The following TYK2 variants were observed in gnomAD, a reference collection of about 807,000 sequenced individuals.
TYK2 encodes tyrosine kinase 2.
A neutral mutation model predicts 130.9 loss-of-function variants in TYK2; 65 were observed. That is an observed-to-expected ratio of 0.50 (90% CI 0.41 to 0.61). The LOEUF is 0.61. Among genes scored for constraint, TYK2 ranks in the 20% least tolerant of loss-of-function variants. The pLI is 0.00. For missense variants in TYK2, 1,378 were observed against 1,610.7 expected (o/e 0.86, Z 2.47); for synonymous variants, 647 against 658.9 (o/e 0.98, Z 0.28).
In TYK2 at chr19:10,353,770, CCA is replaced by C; in HGVS notation, c.2909-126_2909-125del. On this transcript the variant is annotated intron_variant, in intron 20 of 24. Transcript: ENST00000525621. This position sits in a 1 kb window ranked among gnomAD's most constrained non-coding sequence, Gnocchi z 6.9. Reference sequence around the variant, plus strand: ...AGGCCAAGACCCGCGCACACTAGACCCAGTTCTCAGGTGGGATGGACCCATCC... The same window carrying C: ...AGGCCAAGACCCGCGCACACTAGACCGTTCTCAGGTGGGATGGACCCATCC... The C allele has an allele frequency of 1.3e-6, 1 of 746,320 alleles. No homozygotes were observed. The highest frequency in any genetic ancestry group is 1.9e-5 in the South Asian group (1 of 53,234). The allele number at this position is 746,320 out of a possible 1,614,324, so 46.2% of individuals were successfully genotyped here. A position where few individuals can be genotyped will look rare whatever the true frequency, so the allele number is the denominator to read the frequency against.
chr19:10,367,651 T>G (rs1173746296), intron 5 of TYK2, among the ~76,000 whole-genome samples: 2 of 145,848 alleles, frequency 1.4e-5, no homozygotes, highest in African/African-American at 2.6e-5. Flanking sequence ...CTGGGAGCGG[T>G]GGCTCACGCC....
chr19:10,354,514 C>G lies in TYK2; in HGVS notation c.2713G>C (p.Glu905Gln). The G allele has an allele frequency of 6.2e-7, 1 of 1,614,004 alleles. No individual in the cohort carries two copies. Among genetic ancestry groups the G allele is most frequent in the Non-Finnish European group, 8.5e-7 (1 of 1,179,948 alleles). ...AGCAGCTCAGGCCCGTCCCTCACCTCGCCCAGATCTCGGATCTTTTTCAAA... is the reference window on the plus strand; with the variant it reads ...AGCAGCTCAGGCCCGTCCCTCACCTGGCCCAGATCTCGGATCTTTTTCAAA... Reference protein sequence around the residue: ...RYLKKIRDLGEGHFGKVSLYC... With the variant: ...RYLKKIRDLGQGHFGKVSLYC... The change falls in exon 19 of 25, where the codon GAG becomes CAG. Residue 905 changes from glutamate (E) to glutamine (Q), a missense_variant and splice_region_variant. Transcript: ENST00000525621.
intron 19 of TYK2, 130 bp downstream of exon 19, chr19:10,354,382 C>A: frequency 7.6e-7 from 1 of 1,320,154 alleles, no homozygotes; most frequent in Non-Finnish European, 1.1e-6. Flanking sequence ...TCCTTGGCAC[C>A]TAGGCCTCCC....
At chr19:10,377,185 G>A (rs1599367434) in intron 3 of TYK2, among the ~76,000 whole-genome samples, 1 of 152,272 alleles carries the variant, frequency 6.6e-6, no homozygotes, top group Non-Finnish European at 1.5e-5. Context: ...GATTACAAGT[G>A]TCAGCTACTG....
chr19:10,354,515 G>C lies in TYK2; in HGVS notation c.2712C>G (p.Gly904=). 6.2e-7 allele frequency: 1 copy of C among 1,613,880 alleles called. No homozygotes were observed. Among genetic ancestry groups the C allele is most frequent in the Non-Finnish European group, 8.5e-7 (1 of 1,179,890 alleles). ...GCAGCTCAGGCCCGTCCCTCACCTC[G>C]CCCAGATCTCGGATCTTTTTCAAAT... ...KRYLKKIRDL[G]EGHFGKVSLY... Residue 904 remains glycine (G), a synonymous_variant, in exon 19 of 25, where the codon GGC becomes GGG. Coordinates refer to ENST00000525621, the MANE Select transcript of TYK2 (RefSeq NM_003331.5).
chr19:10,356,732 G>C lies in TYK2; in HGVS notation c.2467-14C>G. On this transcript the variant is annotated splice_polypyrimidine_tract_variant and intron_variant, in intron 17 of 24. Transcript: ENST00000525621. Reference sequence around the variant, plus strand: ...GAAATGCTCCTTCTGTTGGGAAAGGGACCCAGAGGAGTCAACATCCTCCCC... The same window carrying C: ...GAAATGCTCCTTCTGTTGGGAAAGGCACCCAGAGGAGTCAACATCCTCCCC... 1 of 1,594,438 alleles carries C rather than the reference G, an allele frequency of 6.3e-7. No homozygotes were observed. The highest frequency in any genetic ancestry group is 8.5e-7 in the Non-Finnish European group (1 of 1,170,900).
rs766435287 is a variant in TYK2 at position 10,352,907 on chromosome 19, C to A, written c.3200+19G>T. 3.1e-6 allele frequency: 5 copies of A among 1,597,812 alleles called. No homozygotes were observed. The South Asian group carries it at 5.6e-5, about 18-fold the overall frequency. ...CAAGTGACCCCAGCACCCCCTCAGA[C>A]TGCACCCCGCCTGGTCACCAGAACA... is the stretch of plus-strand genomic sequence containing the variant. On this transcript the variant is annotated intron_variant, in intron 22 of 24. Coordinates refer to ENST00000525621, the MANE Select transcript of TYK2 (RefSeq NM_003331.5).
chr19:10,362,239 C>T (rs1212806159), intron 11 of TYK2, 25 bp downstream of exon 11: 2 of 1,613,548 alleles, frequency 1.2e-6, no homozygotes, highest in Non-Finnish European at 1.7e-6. Context: ...CCACATCCCA[C>T]CCAGAGGTCC....
Position 10,365,863 on chromosome 19 carries a change from T to C in TYK2, c.665A>G (p.His222Arg). ...KDCIPRSFRR[H>R]IRQHSALTRL... The stretch of plus-strand genomic sequence containing the variant: ...GGTCAGGGCGCTGTGCTGCCGGATA[T>C]GCCGGCGGAAGGAGCGCGGGATGCA... The change falls in exon 7 of 25, where the codon CAT (histidine) becomes CGT (arginine). Residue 222 changes from histidine (H) to arginine (R), a missense_variant. His to Arg is a conservative substitution (Grantham distance 29). Transcript: ENST00000525621. 6.2e-7 allele frequency: 1 copy of C among 1,612,080 alleles called. No homozygotes were observed. The highest frequency in any genetic ancestry group is 8.5e-7 in the Non-Finnish European group (1 of 1,179,560).
Position 10,361,210 on chromosome 19 carries a change from G to T in TYK2, c.2047+301C>A, listed in dbSNP as rs749959638. 1.4e-5 allele frequency: 8 copies of T among 571,780 alleles called. No individual in the cohort carries two copies. The highest frequency in any genetic ancestry group is 2.6e-5 in the Non-Finnish European group (8 of 311,742). The allele number at this position is 571,780 out of a possible 1,614,324, so 35.4% of individuals were successfully genotyped here. A position where few individuals can be genotyped will look rare whatever the true frequency, so the allele number is the denominator to read the frequency against. Reference sequence around the variant, plus strand: ...TGGGGCCAGGAGCAGATGGGGGCTGGACTGTAGAGGTTGTTTGGGAGGTTG... The same window carrying T: ...TGGGGCCAGGAGCAGATGGGGGCTGTACTGTAGAGGTTGTTTGGGAGGTTG... On this transcript the variant is annotated intron_variant, in intron 14 of 24. Transcript: ENST00000525621. The surrounding 1 kb of genome is among the most constrained non-coding windows in gnomAD (Gnocchi z 4.0).
chr19:10,351,704 G>A (rs888826989), intron 23 of TYK2, among the ~76,000 whole-genome samples: 2 of 152,078 alleles, frequency 1.3e-5, no homozygotes, highest in Admixed American at 6.6e-5. Flanking sequence ...GGTGTTTGCC[G>A]TTATTATTAA....
intron 3 of TYK2, among the ~76,000 whole-genome samples, chr19:10,376,360 T>G (rs549132413): frequency 1.9e-4 from 23 of 123,620 alleles, no homozygotes; most frequent in African/African-American, 7.8e-4. Flanking sequence ...CAGCCTGGAG[T>G]GCAGTGCTGT....
At chr19:10,363,788 C>T (rs1271738445) in intron 9 of TYK2, among the ~76,000 whole-genome samples, 3 of 152,216 alleles carry the variant, frequency 2.0e-5, no homozygotes, top group Non-Finnish European at 2.9e-5. Flanking sequence ...GGCTGACACA[C>T]GTGGTCCCCA....
chr19:10,373,292 C>T (rs1447226063), intron 3 of TYK2, among the ~76,000 whole-genome samples: 2 of 151,934 alleles, frequency 1.3e-5, no homozygotes, highest in Non-Finnish European at 2.9e-5. Flanking sequence ...CCCGCCTTGG[C>T]CTCCCTAAGC....
Position 10,351,085 on chromosome 19 carries a change from C to T in TYK2, c.3396G>A (p.Glu1132=), listed in dbSNP as rs2040778738. 1.2e-6 allele frequency: 2 copies of T among 1,614,188 alleles called. No individual in the cohort carries two copies. The highest frequency in any genetic ancestry group is 1.7e-6 in the Non-Finnish European group (2 of 1,180,032). ...GACATTTGTCGGGCCGTGGCAGCCT[C>T]TCCCCTCGTTCCAGCAACTCAGTGA... ...LRLTELLERG[E]RLPRPDKCPC... Residue 1132 remains glutamate, a synonymous_variant, in exon 24 of 25, where the codon GAG becomes GAA. Transcript: ENST00000525621.
In TYK2 at chr19:10,364,794, G is replaced by C; in HGVS notation, c.1210-23C>G. 1 of 1,614,024 alleles carries C rather than the reference G, an allele frequency of 6.2e-7. No individual in the cohort carries two copies. The highest frequency in any genetic ancestry group is 8.5e-7 in the Non-Finnish European group (1 of 1,180,050). ...CTCCTGCCAGCCAGGGGCGCATCAG[G>C]TGGGTGTCCTCCCAGGCCATGATGG... On this transcript the variant is annotated intron_variant, in intron 8 of 24. Coordinates refer to ENST00000525621, the MANE Select transcript of TYK2 (RefSeq NM_003331.5). This position sits in a 1 kb window ranked among gnomAD's most constrained non-coding sequence, Gnocchi z 4.9.
chr19:10,368,506 A>T, intron 3 of TYK2, 88 bp from the exon 4 acceptor site: 1 of 1,587,808 alleles, frequency 6.3e-7, no homozygotes, highest in Non-Finnish European at 8.6e-7. Context: ...CTGCCTTCAC[A>T]CTCCCTCTGA....
chr19:10,368,645 C>G (rs552735522), intron 3 of TYK2: 6 of 544,926 alleles, frequency 1.1e-5, no homozygotes, highest in South Asian at 7.8e-5. Flanking sequence ...AGGATGGAGC[C>G]AATTGCACTG....
Position 10,350,590 on chromosome 19 carries a change from G to A in TYK2, c.*244C>T. ...GAGATGGTGGGCCTCAAGTTTGGAA[G>A]CTGGGGGATTTAAGGGCTGGATTAG... On this transcript the variant is annotated 3_prime_UTR_variant, in exon 25 of 25. Coordinates refer to ENST00000525621, the MANE Select transcript of TYK2 (RefSeq NM_003331.5). 1 of 531,064 alleles carries A rather than the reference G, an allele frequency of 1.9e-6. No homozygotes were observed. The highest frequency in any genetic ancestry group is 2.2e-5 in the South Asian group (1 of 44,566). 32.9% of individuals were successfully genotyped at this position (531,064 alleles called of 1,614,324 possible). A position where few individuals can be genotyped will look rare whatever the true frequency, so the allele number is the denominator to read the frequency against.
Sources: allele counts gnomAD v4.1 joint callset (sites outside exome capture counted in the v4.1 genomes callset), GRCh38; gene constraint gnomAD v4.1.1; non-coding constraint Gnocchi (gnomAD v3.1); transcripts MANE v1.5; gene names NCBI Gene and HGNC (gene_info 2026-07-23, HGNC 2026-07-21).